Variants in NTN1 observed in about 807,000 individuals in gnomAD.
NTN1 encodes netrin 1, also known as netrin-1.
Under a neutral mutation model 54.2 loss-of-function variants are expected in NTN1, and 11 were observed. The observed-to-expected ratio is 0.20, with a 90% CI of 0.13 to 0.34. The LOEUF (loss-of-function observed/expected upper bound fraction) is 0.34, where lower values mean the gene tolerates loss of function less well. NTN1 is among the 10% of genes least tolerant of loss of function. The pLI is 1.00. For synonymous variants in NTN1, 371 were observed against 382.0 expected, an observed-to-expected ratio of 0.97 and a Z score of 0.33; for missense variants, 740 against 893.1, an observed-to-expected ratio of 0.83 and a Z score of 2.18.
At chr17:9,088,916 G>A (rs2092099056) in intron 2 of NTN1, among the ~76,000 whole-genome samples, 1 of 152,138 alleles carries the variant, frequency 6.6e-6, no homozygotes, top group South Asian at 2.1e-4. Flanking sequence ...CCTGCAAAGC[G>A]TGATATGTCT....
At chr17:9,149,716 T>A (rs1458094653) in intron 2 of NTN1, among the ~76,000 whole-genome samples, 2 of 152,184 alleles carry the variant, frequency 1.3e-5, no homozygotes, top group Non-Finnish European at 2.9e-5. Flanking sequence ...CTGATAGATC[T>A]GGAGCTTGGA....
chr17:9,235,174 A>G (rs1905943899), intron 6 of NTN1, among the ~76,000 whole-genome samples: 1 of 152,042 alleles, frequency 6.6e-6, no homozygotes, highest in Admixed American at 6.6e-5. Flanking sequence ...CATGTTGGCT[A>G]GGATGGTCTC....
rs538725895 is a variant in NTN1, at chr17:9,042,286, T to G, written c.1018+18895T>G. On this transcript the variant is annotated intron_variant, in intron 2 of 6. Transcript: ENST00000173229. The stretch of plus-strand genomic sequence containing the variant: ...TATCTATTTGGTGATGTGTTATTCT[T>G]TACTAACATTTTATTTTAGATTTTT... Among the ~76,000 whole-genome samples the G allele has an allele frequency of 2.0e-5, 3 of 152,290 alleles. No individual in the cohort carries two copies. In the South Asian group the frequency reaches 6.2e-4, roughly 32 times the overall value.
intron 5 of NTN1, among the ~76,000 whole-genome samples, chr17:9,215,466 T>C (rs1905200222): frequency 6.6e-6 from 1 of 152,252 alleles, no homozygotes. Context: ...CTTGTGTTTA[T>C]GCCATCACTT....
intron 2 of NTN1, among the ~76,000 whole-genome samples, chr17:9,084,645 G>GTTTTTTT (rs35003160): frequency 9.6e-5 from 8 of 83,320 alleles, no homozygotes; most frequent in East Asian, 3.9e-4. Context: ...GTTCTTTGCA[G>GTTTTTTT]TTTTTTTTTT....
chr17:9,100,815 T>C (rs1460329700), intron 2 of NTN1, among the ~76,000 whole-genome samples: 2 of 152,218 alleles, frequency 1.3e-5, no homozygotes, highest in Admixed American at 6.5e-5. Flanking sequence ...TATGTCATCC[T>C]GTCAGTTAGT....
intron 2 of NTN1, among the ~76,000 whole-genome samples, chr17:9,024,619 T>C (rs892998052): frequency 3.3e-5 from 5 of 152,218 alleles, no homozygotes; most frequent in African/African-American, 1.2e-4. Flanking sequence ...GCCTCATGAC[T>C]GTGGATGCAG....
intron 2 of NTN1, among the ~76,000 whole-genome samples, chr17:9,153,236 C>A (rs540228857): frequency 1.0e-3 from 156 of 151,964 alleles, no homozygotes; most frequent in African/African-American, 3.6e-3. Context: ...CACCTAAGGT[C>A]AGGAGTTTGA....
chr17:9,032,925 C>T (rs2091892223), intron 2 of NTN1, among the ~76,000 whole-genome samples: 2 of 150,760 alleles, frequency 1.3e-5, no homozygotes, highest in African/African-American at 4.9e-5. Context: ...AGGAAGGAAA[C>T]TGCTTCTTGC....
At chr17:9,118,201 A>G (rs1489376762) in intron 2 of NTN1, among the ~76,000 whole-genome samples, 1 of 152,314 alleles carries the variant, frequency 6.6e-6, no homozygotes, top group South Asian at 2.1e-4. Flanking sequence ...TATAATCCAC[A>G]TGCCTCATAA....
At chr17:9,073,039 A>C (rs1354142344) in intron 2 of NTN1, among the ~76,000 whole-genome samples, 1 of 152,226 alleles carries the variant, frequency 6.6e-6, no homozygotes, top group African/African-American at 2.4e-5. Flanking sequence ...CTTTTCTTCA[A>C]AGAGAAAGGG....
At chr17:9,104,665 G>A (rs753315785) in intron 2 of NTN1, among the ~76,000 whole-genome samples, 5 of 152,328 alleles carry the variant, frequency 3.3e-5, no homozygotes, top group African/African-American at 7.2e-5. Context: ...GCATGAAGCC[G>A]CTCTCTCTTG....
At chr17:9,227,288 TAC>T (rs1905602887) in intron 6 of NTN1, among the ~76,000 whole-genome samples, 2 of 147,130 alleles carry the variant, frequency 1.4e-5, no homozygotes, top group African/African-American at 5.1e-5. Flanking sequence ...CATGCACGCA[TAC>T]ACACATACAC....
chr17:9,239,656 C>T lies in NTN1; in HGVS notation c.1503C>T (p.Ile501=). ...CKKDYAVQIH[I]LKADKAGDWW... is the part of the protein sequence containing the mutation. ...TCCTTGCAGCCGTCCAGATCCACAT[C>T]CTGAAGGCGGACAAGGCGGGGGACT... Residue 501 remains isoleucine, a synonymous_variant, in exon 7 of 7, where the codon ATC becomes ATT. Coordinates refer to ENST00000173229, the MANE Select transcript of NTN1 (RefSeq NM_004822.3). The surrounding 1 kb of genome is among the most constrained non-coding windows in gnomAD (Gnocchi z 5.2). 1.2e-6 allele frequency: 2 copies of T among 1,611,060 alleles called. No homozygotes were observed. Among genetic ancestry groups the T allele is most frequent in the Non-Finnish European group, 1.7e-6 (2 of 1,177,538 alleles).
At chr17:9,134,570 CTT>C (rs1204245481) in intron 2 of NTN1, among the ~76,000 whole-genome samples, 1 of 152,222 alleles carries the variant, frequency 6.6e-6, no homozygotes, top group Admixed American at 6.5e-5. Flanking sequence ...GGGGACCACA[CTT>C]TTTAAAAAGC....
intron 2 of NTN1, among the ~76,000 whole-genome samples, chr17:9,125,746 CAGGCG>C (rs1460674149): frequency 1.3e-5 from 2 of 152,188 alleles, no homozygotes; most frequent in African/African-American, 2.4e-5. Flanking sequence ...GCTGAGATTA[CAGGCG>C]TGAGCCACCA....
chr17:9,221,096 A>T lies in NTN1; in HGVS notation c.1412-72A>T, dbSNP rs991051339. On this transcript the variant is annotated intron_variant, in intron 5 of 6. Coordinates refer to ENST00000173229, the MANE Select transcript of NTN1 (RefSeq NM_004822.3). The surrounding 1 kb of genome is among the most constrained non-coding windows in gnomAD (Gnocchi z 4.5). ...TGGCTATTTAGGGAGGCGGCCTCCT[A>T]CTCTGCCCGCCAGCCTATTCATCGC... 1.8e-6 allele frequency: 2 copies of T among 1,113,716 alleles called. No homozygotes were observed. The highest frequency in any genetic ancestry group is 2.8e-6 in the Non-Finnish European group (2 of 726,044). The allele number at this position is 1,113,716 out of a possible 1,614,324, so 69.0% of individuals were successfully genotyped here.
At chr17:9,196,073 CCTG>C (rs57769119) in intron 5 of NTN1, among the ~76,000 whole-genome samples, 20,672 of 152,060 alleles carry the variant, frequency 0.14, 1,772 homozygotes, top group East Asian at 0.29. Context: ...CCTGGGAAGG[CCTG>C]CTTTGGAGGC....
At chr17:9,109,921 G>A (rs1469235774) in intron 2 of NTN1, among the ~76,000 whole-genome samples, 5 of 152,180 alleles carry the variant, frequency 3.3e-5, no homozygotes, top group Non-Finnish European at 7.3e-5. Flanking sequence ...CCTTTGCTGT[G>A]ACATGCATAT....
Sources: allele counts gnomAD v4.1 joint callset (sites outside exome capture counted in the v4.1 genomes callset), GRCh38; gene constraint gnomAD v4.1.1; non-coding constraint Gnocchi (gnomAD v3.1); transcripts MANE v1.5; gene names NCBI Gene and HGNC (gene_info 2026-07-23, HGNC 2026-07-21).